The following BRI3 variants were observed in gnomAD, a reference collection of about 807,000 sequenced individuals.
The protein encoded by BRI3 is membrane protein BRI3.
A neutral mutation model predicts 12.8 loss-of-function variants in BRI3; 6 were observed. That is an observed-to-expected ratio of 0.47 (90% CI 0.26 to 0.93). BRI3 has a LOEUF of 0.93. Among genes scored for constraint, BRI3 ranks in the 40% least tolerant of loss-of-function variants. BRI3 has a pLI of 0.15. For missense variants in BRI3, 134 were observed against 171.1 expected, an observed-to-expected ratio of 0.78 and a Z score of 1.21; for synonymous variants, 91 against 76.1, an observed-to-expected ratio of 1.20 and a Z score of -1.02.
At chr7:98,289,966 G>A (rs1799848184) in intron 2 of BRI3, among the ~76,000 whole-genome samples, 1 of 152,182 alleles carries the variant, frequency 6.6e-6, no homozygotes, top group African/African-American at 2.4e-5. Flanking sequence ...TGTTGAAGAG[G>A]CGGCTTTGAG....
intron 2 of BRI3, among the ~76,000 whole-genome samples, chr7:98,288,293 G>A (rs562433840): frequency 6.6e-6 from 1 of 152,210 alleles, no homozygotes; most frequent in African/African-American, 2.4e-5. Flanking sequence ...CCTTCCCGAG[G>A]CTCCCCCACC....
At chr7:98,320,348 G>C in the BRI3 span, 1 of 1,418,724 alleles carries the variant, frequency 7.0e-7, no homozygotes, top group Non-Finnish European at 9.7e-7. Flanking sequence ...GTATTTTTTT[G>C]TTTTGAAATG....
downstream of BRI3, among the ~76,000 whole-genome samples, chr7:98,295,530 A>T (rs1800154786): frequency 6.6e-6 from 1 of 152,190 alleles, no homozygotes; most frequent in Admixed American, 6.5e-5. Context: ...TAAATGCACC[A>T]GGGTGCCTGT....
At chr7:98,292,570 C>T (rs1800012725), downstream of BRI3, 6 of 1,452,068 alleles carry the variant, frequency 4.1e-6, no homozygotes, top group South Asian at 4.9e-5. Context: ...GTAGTCCTCA[C>T]ATCCATACCA....
chr7:98,304,307 G>A (rs555226734), upstream of BRI3: 7 of 1,613,492 alleles, frequency 4.3e-6, no homozygotes, highest in Middle Eastern at 1.7e-4. Context: ...CCAAGTAGTC[G>A]GGTGGGGGGA....
upstream of BRI3, chr7:98,306,326 C>T (rs898597526): frequency 1.3e-5 from 16 of 1,279,092 alleles, no homozygotes; most frequent in East Asian, 1.2e-4. Context: ...GACTAGTCCA[C>T]GAGAGCTGAG....
chr7:98,283,875 G>A (rs999775444), intron 2 of BRI3, among the ~76,000 whole-genome samples: 5 of 152,206 alleles, frequency 3.3e-5, no homozygotes, highest in African/African-American at 9.6e-5. Flanking sequence ...CAGCGGCAGC[G>A]AGGGATGGGC....
At chr7:98,322,722 C>A in the BRI3 span, 1 of 152,444 alleles carries the variant, frequency 6.6e-6, no homozygotes. Flanking sequence ...CTCATGCCTG[C>A]CCAACCCCAA....
downstream of BRI3, among the ~76,000 whole-genome samples, chr7:98,313,816 G>C (rs1800969878): frequency 6.8e-6 from 1 of 146,312 alleles, no homozygotes; most frequent in Admixed American, 7.0e-5. Context: ...TTTTGGTAGA[G>C]ATAGGGTCTC....
chr7:98,316,657 T>C, the BRI3 span, among the ~76,000 whole-genome samples: 1 of 152,192 alleles, frequency 6.6e-6, no homozygotes, highest in African/African-American at 2.4e-5. Context: ...TTCTAACTAT[T>C]TTGAAATAAT....
upstream of BRI3, among the ~76,000 whole-genome samples, chr7:98,301,886 G>A (rs1800445644): frequency 6.6e-6 from 1 of 152,156 alleles, no homozygotes; most frequent in Non-Finnish European, 1.5e-5. Context: ...GGCCAGCTGC[G>A]CTGGTGGAGG....
upstream of BRI3, among the ~76,000 whole-genome samples, chr7:98,304,889 G>C (rs1439915266): frequency 1.3e-5 from 2 of 149,274 alleles, no homozygotes; most frequent in Admixed American, 1.3e-4. Flanking sequence ...TTTTGAGATG[G>C]GGTTTCCCTC....
chr7:98,302,328 TCTCA>T (rs1215301476), upstream of BRI3, among the ~76,000 whole-genome samples: 60 of 152,210 alleles, frequency 3.9e-4, no homozygotes, highest in African/African-American at 1.4e-3. Context: ...GTGTCAGTGC[TCTCA>T]CTTACAATGC....
At chr7:98,310,129 G>A (rs1562968596) in exon 2 of BRI3, 1 of 247,352 alleles carries the variant, frequency 4.0e-6, no homozygotes, top group Non-Finnish European at 7.7e-6. Flanking sequence ...GGGATTACAG[G>A]CGTGAGCCAC....
At chr7:98,293,438 C>T, downstream of BRI3, 6 of 1,317,130 alleles carry the variant, frequency 4.6e-6, no homozygotes, top group South Asian at 7.1e-5. Context: ...AGCTTCCCGA[C>T]CGTCAGCACG....
At chr7:98,286,582 G>T (rs752062754) in intron 2 of BRI3, among the ~76,000 whole-genome samples, 21 of 152,332 alleles carry the variant, frequency 1.4e-4, no homozygotes, top group South Asian at 1.2e-3. Flanking sequence ...ACTCGAGGCT[G>T]TGGGGACCGC....
the BRI3 span, chr7:98,320,161 G>A: frequency 1.3e-6 from 2 of 1,597,600 alleles, no homozygotes; most frequent in Non-Finnish European, 1.7e-6. Context: ...TTCATACCAG[G>A]TTTGAGATTT....
downstream of BRI3, chr7:98,292,936 C>T: frequency 7.6e-7 from 1 of 1,319,324 alleles, no homozygotes; most frequent in African/African-American, 1.5e-5. Context: ...TCTTAGCACT[C>T]TACAGCTCTG....
the BRI3 span, chr7:98,319,944 A>G: frequency 2.3e-6 from 2 of 852,804 alleles, no homozygotes; most frequent in South Asian, 3.3e-5. Context: ...GGCATCATCA[A>G]CACGGAGCTT....
Sources: allele counts gnomAD v4.1 joint callset (sites outside exome capture counted in the v4.1 genomes callset), GRCh38; gene constraint gnomAD v4.1.1; transcripts MANE v1.5; gene names NCBI Gene and HGNC (gene_info 2026-07-23, HGNC 2026-07-21).